The following C9orf72 variants were observed in gnomAD, a reference collection of about 807,000 sequenced individuals.
C9orf72 encodes the protein guanine nucleotide exchange factor C9orf72.
C9orf72 carries 44 observed loss-of-function variants against 51.6 expected under a neutral mutation model. The ratio of observed to expected loss-of-function variants is 0.85; its 90% CI spans 0.67 to 1.10. The LOEUF (loss-of-function observed/expected upper bound fraction) is 1.10, where lower values mean the gene tolerates loss of function less well. C9orf72 is among the 50% of genes least tolerant of loss of function. C9orf72 has a pLI of 0.00. For synonymous variants in C9orf72, 213 were observed against 194.2 expected, an observed-to-expected ratio of 1.10 and a Z score of -0.81; for missense variants, 607 against 570.6, an observed-to-expected ratio of 1.06 and a Z score of -0.65.
At chr9:27,570,749 C>T (rs532885694) in intron 1 of C9orf72, among the ~76,000 whole-genome samples, 70 of 152,240 alleles carry the variant, frequency 4.6e-4, no homozygotes, top group African/African-American at 1.6e-3. Flanking sequence ...CACCTGTAAT[C>T]CCAGCTACTC....
intron 8 of C9orf72, among the ~76,000 whole-genome samples, chr9:27,554,089 T>C (rs1820962471): frequency 6.6e-6 from 1 of 152,180 alleles, no homozygotes. Context: ...AGTTTAGCTA[T>C]TATGAAAAGC....
intron 8 of C9orf72, chr9:27,554,583 C>T (rs781203043): frequency 5.3e-5 from 21 of 398,096 alleles, no homozygotes; most frequent in South Asian, 3.8e-4. Context: ...CCTCATGACA[C>T]GCAATTTACC....
chr9:27,562,838 T>A (rs1475016135), intron 3 of C9orf72, among the ~76,000 whole-genome samples: 1 of 152,022 alleles, frequency 6.6e-6, no homozygotes, highest in Non-Finnish European at 1.5e-5. Context: ...GCCCGGCTGA[T>A]TTTTGTATTT....
chr9:27,548,519 G>C (rs754124108), intron 10 of C9orf72, 38 bp downstream of exon 10: 4 of 1,445,226 alleles, frequency 2.8e-6, no homozygotes, highest in Non-Finnish European at 3.8e-6. Flanking sequence ...AAAAAACAAT[G>C]TACAAAGGTT....
At chr9:27,559,165 G>A (rs926077745) in intron 6 of C9orf72, 3 of 151,754 alleles carry the variant, frequency 2.0e-5, no homozygotes, top group African/African-American at 7.3e-5. Flanking sequence ...TATGTTAAAG[G>A]AGTGGTTTTC....
At chr9:27,572,899 G>C (rs915343357) in intron 1 of C9orf72, among the ~76,000 whole-genome samples, 1 of 152,202 alleles carries the variant, frequency 6.6e-6, no homozygotes. Flanking sequence ...GCCCTCATAT[G>C]CAAGTCATCA....
At chr9:27,561,704 T>C in intron 4 of C9orf72, 55 bp from the exon 5 acceptor site, 2 of 1,110,736 alleles carry the variant, frequency 1.8e-6, no homozygotes, top group South Asian at 2.7e-5. Context: ...AGTGTTGAAA[T>C]AACACTTTTA....
chr9:27,552,352 G>A (rs1409020239), intron 8 of C9orf72, among the ~76,000 whole-genome samples: 1 of 65,788 alleles, frequency 1.5e-5, no homozygotes, highest in African/African-American at 4.1e-5. Context: ...GATTGTTTGT[G>A]ATTTTTCTTT....
Position 27,558,479 on chromosome 9 carries a change from T to C in C9orf72, c.855+12A>G, listed in dbSNP as rs1188509023. On this transcript the variant is annotated intron_variant, in intron 7 of 10. Coordinates refer to ENST00000380003, the MANE Select transcript of C9orf72 (RefSeq NM_018325.5). ...GAAAAGTGGTTTCACTTGTGATAAC[T>C]AGAAACTATACCTTTAGCAGGCCTT... 2.8e-6 allele frequency: 4 copies of C among 1,417,142 alleles called. No individual in the cohort carries two copies. Among genetic ancestry groups the C allele is most frequent in the Non-Finnish European group, 3.9e-6 (4 of 1,018,890 alleles). The allele number at this position is 1,417,142 out of a possible 1,614,324, so 87.8% of individuals were successfully genotyped here.
At chr9:27,549,254 T>A (rs185822441) in intron 9 of C9orf72, among the ~76,000 whole-genome samples, 2 of 152,350 alleles carry the variant, frequency 1.3e-5, no homozygotes, top group African/African-American at 4.8e-5. Context: ...CATACATAAG[T>A]TATTTCGTAT....
chr9:27,550,947 T>C (rs1182604357), intron 8 of C9orf72, among the ~76,000 whole-genome samples: 1 of 152,170 alleles, frequency 6.6e-6, no homozygotes, highest in African/African-American at 2.4e-5. Context: ...AATATGTAAT[T>C]TTTTCTCTAA....
Position 27,560,222 on chromosome 9 carries a change from A to G in C9orf72, c.738+5T>C, listed in dbSNP as rs1315307179. On this transcript the variant is annotated splice_donor_5th_base_variant and intron_variant, in intron 6 of 10. Coordinates refer to ENST00000380003, the MANE Select transcript of C9orf72 (RefSeq NM_018325.5). ...AATCATTTGCTAGATTATAAAATAAACTACCTTATTTACTTTCTCTGCACT... is the reference window on the plus strand; with the variant it reads ...AATCATTTGCTAGATTATAAAATAAGCTACCTTATTTACTTTCTCTGCACT... 1.3e-6 allele frequency: 2 copies of G among 1,583,256 alleles called. No homozygotes were observed. Among genetic ancestry groups the G allele is most frequent in the Admixed American group, 3.5e-5 (2 of 56,460 alleles).
At chr9:27,562,326 A>C in intron 4 of C9orf72, 55 bp downstream of exon 4, 1 of 761,282 alleles carries the variant, frequency 1.3e-6, no homozygotes, top group East Asian at 2.9e-5. Context: ...ATACATAATA[A>C]TACTATAACC....
intron 7 of C9orf72, among the ~76,000 whole-genome samples, chr9:27,558,065 T>C (rs1166549355): frequency 6.7e-6 from 1 of 149,396 alleles, no homozygotes; most frequent in African/African-American, 2.4e-5. Flanking sequence ...CTAATATATA[T>C]TATATATAGA....
chr9:27,550,623 T>C (rs752980535), intron 9 of C9orf72, 27 bp downstream of exon 9: 1 of 1,442,054 alleles, frequency 6.9e-7, no homozygotes, highest in Non-Finnish European at 9.7e-7. Flanking sequence ...TATCATTCAC[T>C]CTGACAATCT....
intron 1 of C9orf72, among the ~76,000 whole-genome samples, chr9:27,571,432 T>A (rs1819583972): frequency 6.6e-6 from 1 of 152,178 alleles, no homozygotes; most frequent in African/African-American, 2.4e-5. Flanking sequence ...GCTATTGTAG[T>A]GAAAATTCTA....
chr9:27,568,417 TGAG>T (rs1384843348), intron 1 of C9orf72, among the ~76,000 whole-genome samples: 1 of 152,102 alleles, frequency 6.6e-6, no homozygotes, highest in Non-Finnish European at 1.5e-5. Context: ...AAAACAGACA[TGAG>T]GAGAAGAACA....
chr9:27,572,717 A>G (rs1587326275), intron 1 of C9orf72, among the ~76,000 whole-genome samples: 1 of 152,182 alleles, frequency 6.6e-6, no homozygotes, highest in South Asian at 2.1e-4. Flanking sequence ...GATAGACCCA[A>G]TGAGCACACG....
intron 5 of C9orf72, 43 bp downstream of exon 5, chr9:27,561,542 G>T: frequency 6.2e-7 from 1 of 1,605,826 alleles, no homozygotes; most frequent in South Asian, 1.1e-5. Context: ...AGCATAAGAT[G>T]GTATCTGCTT....
Sources: allele counts gnomAD v4.1 joint callset (sites outside exome capture counted in the v4.1 genomes callset), GRCh38; gene constraint gnomAD v4.1.1; transcripts MANE v1.5; gene names NCBI Gene and HGNC (gene_info 2026-07-23, HGNC 2026-07-21).